Variants in DOK7 observed in about 807,000 individuals in gnomAD.
The protein encoded by DOK7 is protein Dok-7.
A neutral mutation model predicts 30.7 loss-of-function variants in DOK7; 32 were observed. The ratio of observed to expected loss-of-function variants is 1.04; its 90% CI spans 0.79 to 1.40. The LOEUF (loss-of-function observed/expected upper bound fraction) is 1.40. Among genes scored for constraint, DOK7 ranks in the 40% most tolerant of loss-of-function variants. The pLI is 0.00. For missense variants in DOK7, 1,007 were observed against 699.2 expected (o/e 1.44, Z -4.97); for synonymous variants, 447 against 324.1 (o/e 1.38, Z -4.07).
At chr4:3,495,317 C>A (rs972380656), downstream of DOK7, among the ~76,000 whole-genome samples, 1 of 148,470 alleles carries the variant, frequency 6.7e-6, no homozygotes, top group African/African-American at 2.6e-5. Context: ...CCAGGCCCTT[C>A]CCGCTAGTCT....
chr4:3,473,549 T>C lies in DOK7; in HGVS notation c.244T>C (p.Cys82Arg). 6.2e-7 allele frequency: 1 copy of C among 1,610,874 alleles called. No individual in the cohort carries two copies. The highest frequency in any genetic ancestry group is 8.5e-7 in the Non-Finnish European group (1 of 1,179,532). The change falls in exon 3 of 7, where the codon TGC becomes CGC. Residue 82 changes from cysteine to arginine, a missense_variant. Physicochemically the swap from Cys to Arg is radical, Grantham distance 180. Coordinates refer to ENST00000340083, the MANE Select transcript of DOK7 (RefSeq NM_173660.5). ...EGLVHTLAIV[C>R]LSQAIMLGFD... ...CCTGGTCCACACGCTGGCCATTGTCTGCCTGTCCCAGGCCATCATGCTGGG... is the reference window on the plus strand; with the variant it reads ...CCTGGTCCACACGCTGGCCATTGTCCGCCTGTCCCAGGCCATCATGCTGGG...
chr4:3,464,412 G>A (rs960429236), intron 2 of DOK7, among the ~76,000 whole-genome samples: 1 of 152,226 alleles, frequency 6.6e-6, no homozygotes, highest in Non-Finnish European at 1.5e-5. Flanking sequence ...CCCCTTGCAG[G>A]GCCTGGACTG....
At chr4:3,482,004 T>G (rs1000389586) in intron 4 of DOK7, among the ~76,000 whole-genome samples, 1 of 152,110 alleles carries the variant, frequency 6.6e-6, no homozygotes. Context: ...CCTGGCCTTC[T>G]GCTTGTGTTC....
chr4:3,484,490 T>A, intron 4 of DOK7: 1 of 985,456 alleles, frequency 1.0e-6, no homozygotes, highest in Non-Finnish European at 1.2e-6. Flanking sequence ...GCGGGATTCC[T>A]GTGAGGTGAC....
chr4:3,490,280 T>C (rs113620173), intron 6 of DOK7, among the ~76,000 whole-genome samples: 1,142 of 58,574 alleles, frequency 0.019, 2 homozygotes, highest in African/African-American at 0.024. Context: ...CTTCCCCACC[T>C]TGCTCATTCA....
chr4:3,491,407 C>CTCATGCA (rs1553849541), intron 6 of DOK7, among the ~76,000 whole-genome samples: 1 of 117,774 alleles, frequency 8.5e-6, no homozygotes, highest in Non-Finnish European at 1.8e-5. Flanking sequence ...CTCACCCCAG[C>CTCATGCA]TTCCTTCTTT....
In DOK7 at chr4:3,463,469, C is replaced by T. The variant is rs1353170457; in HGVS notation, c.55-37C>T. ...GGGGCGCGGGGGGGGGGGGCGCGGG[C>T]GCGGGCGGCGGCTCACGCTCCCCCC... is the stretch of plus-strand genomic sequence containing the variant. On this transcript the variant is annotated intron_variant, in intron 1 of 6. Coordinates refer to ENST00000340083, the MANE Select transcript of DOK7 (RefSeq NM_173660.5). 5 of 1,354,242 alleles carry T rather than the reference C, an allele frequency of 3.7e-6. No individual in the cohort carries two copies. The South Asian group carries it at 4.6e-5, about 13-fold the overall frequency. 83.9% of individuals were successfully genotyped at this position (1,354,242 alleles called of 1,614,324 possible).
downstream of DOK7, chr4:3,496,892 T>C (rs1454430235): frequency 7.5e-7 from 1 of 1,335,970 alleles, no homozygotes; most frequent in South Asian, 1.2e-5. Context: ...CCCCCAGAGC[T>C]CGGGGACAGG....
intron 3 of DOK7, among the ~76,000 whole-genome samples, chr4:3,475,107 TG>T (rs1726987168): frequency 6.6e-6 from 1 of 152,082 alleles, no homozygotes; most frequent in African/African-American, 2.4e-5. Flanking sequence ...AGAGAGAAGC[TG>T]GGGGCTTAGT....
At chr4:3,481,022 G>T (rs557296781) in intron 4 of DOK7, among the ~76,000 whole-genome samples, 1 of 152,230 alleles carries the variant, frequency 6.6e-6, no homozygotes, top group African/African-American at 2.4e-5. Context: ...GTGGAGGGGG[G>T]TGAAAAGGGC....
In DOK7 at chr4:3,493,621, C is replaced by T; in HGVS notation, c.*120C>T. 6.7e-7 allele frequency: 1 copy of T among 1,499,074 alleles called. No individual in the cohort carries two copies. The highest frequency in any genetic ancestry group is 8.9e-7 in the Non-Finnish European group (1 of 1,121,222). 92.9% of individuals were successfully genotyped at this position (1,499,074 alleles called of 1,614,324 possible). A position where few individuals can be genotyped will look rare whatever the true frequency, so the allele number is the denominator to read the frequency against. ...GTGTTCTGTGGGAGGGACCGGGGGT[C>T]TCCCGGAGAGGGGAGCTGGAGGGCG... On this transcript the variant is annotated 3_prime_UTR_variant, in exon 7 of 7. Transcript: ENST00000340083.
chr4:3,478,800 C>T (rs570588579), intron 4 of DOK7, among the ~76,000 whole-genome samples: 240 of 152,282 alleles, frequency 1.6e-3, no homozygotes, highest in African/African-American at 5.7e-3. Flanking sequence ...GGGCTGTATC[C>T]TCCTGGAGAC....
Position 3,473,414 on chromosome 4 carries a change from C to T in DOK7, c.109C>T (p.Leu37=), listed in dbSNP as rs1283794146. 2.5e-6 allele frequency: 4 copies of T among 1,610,706 alleles called. No individual in the cohort carries two copies. Among genetic ancestry groups the T allele is most frequent in the Non-Finnish European group, 2.5e-6 (3 of 1,179,786 alleles). The change falls in exon 3 of 7, where the codon CTG becomes TTG. Residue 37 remains leucine (L), a synonymous_variant. Coordinates refer to ENST00000340083, the MANE Select transcript of DOK7 (RefSeq NM_173660.5). ...RKPSPVADCL[L]MLVYKDKSER... ...GGCCACGCTCCTTGCAGACTGCCTG[C>T]TGATGCTGGTCTACAAGGACAAGTC... is the stretch of plus-strand genomic sequence containing the variant.
intron 4 of DOK7, 160 bp from the exon 5 acceptor site, chr4:3,485,379 C>G (rs1727701962): frequency 1.0e-6 from 1 of 999,142 alleles, no homozygotes; most frequent in East Asian, 3.1e-5. Context: ...TTCACGGGGC[C>G]AGGCGGGGTG....
At chr4:3,481,127 G>A (rs963651821) in intron 4 of DOK7, among the ~76,000 whole-genome samples, 30 of 152,006 alleles carry the variant, frequency 2.0e-4, no homozygotes, top group African/African-American at 7.2e-4. Flanking sequence ...AGGAGGAGGA[G>A]GAGACAGGGC....
intron 4 of DOK7, among the ~76,000 whole-genome samples, chr4:3,476,967 C>T (rs1484197193): frequency 6.6e-6 from 1 of 152,382 alleles, no homozygotes; most frequent in East Asian, 1.9e-4. Context: ...CCAGCCACCC[C>T]GCCTGTGGGC....
intron 6 of DOK7, among the ~76,000 whole-genome samples, chr4:3,491,483 TC>T: frequency 6.6e-6 from 1 of 150,546 alleles, no homozygotes. Context: ...ACTCATTCAT[TC>T]TTTCCTTGTC....
chr4:3,496,790 A>C (rs1440350971), downstream of DOK7: 4 of 1,534,676 alleles, frequency 2.6e-6, no homozygotes, highest in African/African-American at 5.5e-5. Flanking sequence ...AGACTGAAGG[A>C]TGCACTGACC....
chr4:3,469,819 A>G (rs1054324537), intron 2 of DOK7, among the ~76,000 whole-genome samples: 4 of 151,864 alleles, frequency 2.6e-5, no homozygotes, highest in Non-Finnish European at 5.9e-5. Flanking sequence ...GGATCGATTT[A>G]TTGTTGGTGA....
Sources: gnomAD v4.1 joint callset for allele counts (sites outside exome capture counted in the v4.1 genomes callset) on GRCh38, gnomAD v4.1.1 for gene constraint, MANE v1.5 for transcripts, NCBI Gene and HGNC (gene_info 2026-07-23, HGNC 2026-07-21) for gene names.